The following CSMD1 variants were observed in gnomAD, a reference collection of about 807,000 sequenced individuals.
CSMD1 encodes CUB and Sushi multiple domains 1.
Under a neutral mutation model 417.5 loss-of-function variants are expected in CSMD1, and 213 were observed. The observed-to-expected ratio is 0.51, with a 90% CI of 0.46 to 0.57. The LOEUF (loss-of-function observed/expected upper bound fraction) is 0.57. Among genes scored for constraint, CSMD1 ranks in the 20% least tolerant of loss-of-function variants. The pLI is 0.00. For missense variants in CSMD1, 6,923 were observed against 4,529.7 expected (o/e 1.53, Z -15.17); for synonymous variants, 2,862 against 1,736.8 (o/e 1.65, Z -16.11).
chr8:3,741,230 A>AAAAC (rs1554527948), intron 6 of CSMD1, among the ~76,000 whole-genome samples: 26 of 150,754 alleles, frequency 1.7e-4, no homozygotes, highest in East Asian at 6.2e-4. Flanking sequence ...AAAAAAAAAA[A>AAAAC]AAAAAAAAAA....
chr8:4,540,744 A>T (rs1797340639), intron 2 of CSMD1, among the ~76,000 whole-genome samples: 2 of 152,140 alleles, frequency 1.3e-5, no homozygotes, highest in Non-Finnish European at 1.5e-5. Flanking sequence ...GCCAGGTACT[A>T]AGGGCTGTCC....
intron 1 of CSMD1, among the ~76,000 whole-genome samples, chr8:4,981,160 T>A: frequency 9.6e-6 from 1 of 104,238 alleles, no homozygotes; most frequent in South Asian, 3.5e-4. Context: ...AGATATTATT[T>A]GAAACGTTCA....
At chr8:3,361,507 C>T (rs945826642) in intron 20 of CSMD1, among the ~76,000 whole-genome samples, 4 of 151,676 alleles carry the variant, frequency 2.6e-5, no homozygotes, top group African/African-American at 7.3e-5. Context: ...AAAAAATTAG[C>T]TGGGCATGGT....
chr8:3,761,406 T>A (rs1364733002), intron 5 of CSMD1, among the ~76,000 whole-genome samples: 2 of 150,978 alleles, frequency 1.3e-5, no homozygotes, highest in Non-Finnish European at 2.9e-5. Context: ...AACAACCAAC[T>A]ATGAAACAAA....
chr8:3,378,034 G>A (rs1314773556), intron 18 of CSMD1, among the ~76,000 whole-genome samples: 1 of 152,172 alleles, frequency 6.6e-6, no homozygotes, highest in African/African-American at 2.4e-5. Flanking sequence ...CCTGGTCTTG[G>A]AGGTTGAAAA....
chr8:4,417,175 A>T (rs1041259848), intron 3 of CSMD1, among the ~76,000 whole-genome samples: 1 of 152,030 alleles, frequency 6.6e-6, no homozygotes, highest in Non-Finnish European at 1.5e-5. Context: ...AAATACTGTA[A>T]ATAATCAATG....
intron 3 of CSMD1, among the ~76,000 whole-genome samples, chr8:4,355,494 A>G (rs1443233358): frequency 1.3e-5 from 2 of 152,186 alleles, no homozygotes; most frequent in African/African-American, 2.4e-5. Flanking sequence ...AGTAGAGTGA[A>G]TGAAAGGGAA....
intron 2 of CSMD1, among the ~76,000 whole-genome samples, chr8:4,435,562 C>G (rs552867909): frequency 1.0e-3 from 158 of 152,282 alleles, no homozygotes; most frequent in African/African-American, 3.8e-3. Flanking sequence ...TTTCCTATGG[C>G]TGTCATGCTC....
intron 1 of CSMD1, among the ~76,000 whole-genome samples, chr8:4,967,259 T>A (rs1022511025): frequency 1.3e-5 from 2 of 152,194 alleles, no homozygotes; most frequent in African/African-American, 2.4e-5. Context: ...TTAGGTTGAG[T>A]TTTTATCAAT....
chr8:3,649,023 G>A (rs1252128947), intron 7 of CSMD1, among the ~76,000 whole-genome samples: 1 of 152,094 alleles, frequency 6.6e-6, no homozygotes, highest in Non-Finnish European at 1.5e-5. Flanking sequence ...TACTGTCCAA[G>A]GTCACAGAGT....
intron 2 of CSMD1, among the ~76,000 whole-genome samples, chr8:4,537,443 T>C (rs1237419828): frequency 2.6e-5 from 4 of 152,186 alleles, no homozygotes; most frequent in South Asian, 2.1e-4. Context: ...GTTATTGTTA[T>C]TAAAAGTCAT....
chr8:3,134,850 C>A (rs1256609014), intron 41 of CSMD1, among the ~76,000 whole-genome samples: 2 of 152,148 alleles, frequency 1.3e-5, no homozygotes, highest in East Asian at 1.9e-4. Flanking sequence ...ATGTGCATAA[C>A]CCTTGGAATT....
chr8:4,155,035 A>G (rs1796759177), intron 3 of CSMD1, among the ~76,000 whole-genome samples: 1 of 152,188 alleles, frequency 6.6e-6, no homozygotes, highest in African/African-American at 2.4e-5. Context: ...CACAGAACCT[A>G]ACACTGCTGC....
intron 23 of CSMD1, among the ~76,000 whole-genome samples, chr8:3,321,571 C>A (rs9644338): frequency 6.6e-6 from 1 of 152,086 alleles, no homozygotes; most frequent in East Asian, 1.9e-4. Flanking sequence ...CCTGAACGCA[C>A]GGGTAGCCCA....
At chr8:3,161,955 C>T (rs1819924555) in intron 38 of CSMD1, among the ~76,000 whole-genome samples, 1 of 152,172 alleles carries the variant, frequency 6.6e-6, no homozygotes, top group Non-Finnish European at 1.5e-5. Flanking sequence ...AAATACAATG[C>T]TTAGCTTTGA....
Position 3,387,490 on chromosome 8 carries a change from C to G in CSMD1, c.2782+4G>C. ...GGTGCATTGCCTCACTGAGCTGTACCTACCGTCGCAGCTGGGCAAGGCGTG... is the reference window on the plus strand; with the variant it reads ...GGTGCATTGCCTCACTGAGCTGTACGTACCGTCGCAGCTGGGCAAGGCGTG... On this transcript the variant is annotated splice_donor_region_variant and intron_variant, in intron 18 of 69. Transcript: ENST00000635120. The G allele has an allele frequency of 6.3e-7, 1 of 1,593,862 alleles. No homozygotes were observed. Among genetic ancestry groups the G allele is most frequent in the Non-Finnish European group, 8.5e-7 (1 of 1,169,972 alleles).
chr8:3,733,066 T>C (rs948787364), intron 6 of CSMD1, among the ~76,000 whole-genome samples: 1 of 151,620 alleles, frequency 6.6e-6, no homozygotes, highest in Non-Finnish European at 1.5e-5. Flanking sequence ...ATGCTGCTGA[T>C]TGGTTTTATA....
At chr8:4,953,876 G>A (rs1481549760) in intron 1 of CSMD1, among the ~76,000 whole-genome samples, 1 of 152,026 alleles carries the variant, frequency 6.6e-6, no homozygotes, top group Non-Finnish European at 1.5e-5. Context: ...ACTCAACCCT[G>A]GGCTTAGAGA....
chr8:4,221,184 A>G (rs986809527), intron 3 of CSMD1, among the ~76,000 whole-genome samples: 2 of 152,236 alleles, frequency 1.3e-5, no homozygotes, highest in African/African-American at 2.4e-5. Context: ...CTGCATTTCA[A>G]TCTGGCTTTA....
Sources: allele counts gnomAD v4.1 joint callset (sites outside exome capture counted in the v4.1 genomes callset), GRCh38; gene constraint gnomAD v4.1.1; transcripts MANE v1.5; gene names NCBI Gene and HGNC (gene_info 2026-07-23, HGNC 2026-07-21).